The following TMOD1 variants were observed in gnomAD, a reference collection of about 807,000 sequenced individuals.
The protein encoded by TMOD1 is tropomodulin 1.
A neutral mutation model predicts 40.6 loss-of-function variants in TMOD1; 17 were observed. The observed-to-expected ratio is 0.42, with a 90% CI of 0.29 to 0.63. The LOEUF (loss-of-function observed/expected upper bound fraction) is 0.63. Ranked by LOEUF, TMOD1 falls within the 20% of genes least tolerant of loss-of-function variation. TMOD1 has a pLI of 0.22. For missense variants in TMOD1, 391 were observed against 447.6 expected, an observed-to-expected ratio of 0.87 and a Z score of 1.14; for synonymous variants, 181 against 175.0, an observed-to-expected ratio of 1.03 and a Z score of -0.27.
chr9:97,574,388 T>C (rs1028646933), intron 8 of TMOD1, among the ~76,000 whole-genome samples: 11 of 152,150 alleles, frequency 7.2e-5, no homozygotes, highest in Admixed American at 2.6e-4. Context: ...GCTCGACTTC[T>C]CGCCGGGCCT....
chr9:97,568,019 C>T (rs1012960538), intron 7 of TMOD1, among the ~76,000 whole-genome samples: 7 of 152,116 alleles, frequency 4.6e-5, no homozygotes, highest in African/African-American at 1.2e-4. Flanking sequence ...ATCTACACCC[C>T]CTGGCTGAGT....
intron 1 of TMOD1, among the ~76,000 whole-genome samples, chr9:97,510,774 T>G (rs1829683742): frequency 6.6e-6 from 1 of 152,188 alleles, no homozygotes; most frequent in African/African-American, 2.4e-5. Flanking sequence ...ATGGCCTCTC[T>G]TGTTTGTACT....
chr9:97,555,849 A>G, intron 4 of TMOD1: 1 of 730,382 alleles, frequency 1.4e-6, no homozygotes, highest in Non-Finnish European at 2.4e-6. Context: ...GTTTAAACCC[A>G]GGCAACTTCA....
intron 1 of TMOD1, among the ~76,000 whole-genome samples, chr9:97,514,123 A>T (rs1215265239): frequency 6.6e-6 from 1 of 151,652 alleles, no homozygotes; most frequent in Non-Finnish European, 1.5e-5. Context: ...GCACAGCAGC[A>T]CGATCTTGGC....
At chr9:97,503,299 C>G (rs1829535381) in intron 1 of TMOD1, among the ~76,000 whole-genome samples, 1 of 152,214 alleles carries the variant, frequency 6.6e-6, no homozygotes, top group African/African-American at 2.4e-5. Flanking sequence ...ATCAATGCCC[C>G]CTCTTCTTGA....
intron 8 of TMOD1, among the ~76,000 whole-genome samples, chr9:97,589,979 T>G (rs970881430): frequency 1.3e-5 from 2 of 151,838 alleles, no homozygotes; most frequent in South Asian, 4.2e-4. Context: ...TACTTAAAAG[T>G]TTTTTTTCTG....
At chr9:97,563,935 C>A in intron 5 of TMOD1, 103 bp from the exon 6 acceptor site, 5 of 1,415,042 alleles carry the variant, frequency 3.5e-6, no homozygotes, top group East Asian at 5.0e-5. Flanking sequence ...GCAGCCCTCA[C>A]GTGCCCCAAC....
At chr9:97,541,119 T>G (rs1010088778) in intron 2 of TMOD1, among the ~76,000 whole-genome samples, 1 of 152,084 alleles carries the variant, frequency 6.6e-6, no homozygotes, top group Non-Finnish European at 1.5e-5. Flanking sequence ...TTCATGAGCT[T>G]TTTGGCCATT....
At position 97,513,703 on chromosome 9, in the gene TMOD1, AG is replaced by A. The variant is rs1463340786; in HGVS notation, c.-48-10436del. On this transcript the variant is annotated intron_variant, in intron 1 of 9. Coordinates refer to ENST00000259365, the MANE Select transcript of TMOD1 (RefSeq NM_003275.4). The surrounding 1 kb of genome is among the most constrained non-coding windows in gnomAD (Gnocchi z 4.1). ...CCAGTAAATACTCACCCAGTGAATT[AG>A]GTTGTAGAAACTGAGATCCAGAGAA... is the stretch of plus-strand genomic sequence containing the variant. 1 of 152,228 alleles carries A rather than the reference AG, an allele frequency of 6.6e-6. No homozygotes were observed. Among genetic ancestry groups the A allele is most frequent in the Non-Finnish European group, 1.5e-5 (1 of 68,046 alleles). The allele number at this position is 152,228 out of a possible 1,614,324, so 9.4% of individuals were successfully genotyped here.
At chr9:97,555,796 T>A in intron 4 of TMOD1, 2 of 1,115,326 alleles carry the variant, frequency 1.8e-6, no homozygotes, top group Non-Finnish European at 2.7e-6. Flanking sequence ...ATTTTATGGA[T>A]GGAGAAAGTA....
intron 1 of TMOD1, among the ~76,000 whole-genome samples, chr9:97,511,670 T>C (rs1202796546): frequency 6.6e-6 from 1 of 152,170 alleles, no homozygotes; most frequent in Non-Finnish European, 1.5e-5. Context: ...CTGCAGCTTC[T>C]TCCTCCTGGG....
At chr9:97,524,806 G>A (rs897653562) in intron 2 of TMOD1, among the ~76,000 whole-genome samples, 2 of 152,040 alleles carry the variant, frequency 1.3e-5, no homozygotes, top group African/African-American at 4.8e-5. Context: ...TTACTTGGAG[G>A]AGGGTCAGCT....
At chr9:97,596,967 T>C (rs1162021313) in intron 9 of TMOD1, among the ~76,000 whole-genome samples, 2 of 152,276 alleles carry the variant, frequency 1.3e-5, no homozygotes, top group East Asian at 1.9e-4. Context: ...GTTCCTGTTA[T>C]ACTGTGTCTT....
At chr9:97,578,122 C>A (rs1825653230) in intron 8 of TMOD1, among the ~76,000 whole-genome samples, 1 of 152,144 alleles carries the variant, frequency 6.6e-6, no homozygotes, top group Non-Finnish European at 1.5e-5. Flanking sequence ...GTGGCATGAT[C>A]TCAGCTCACT....
At chr9:97,595,259 T>C (rs1826084482) in intron 9 of TMOD1, among the ~76,000 whole-genome samples, 1 of 152,208 alleles carries the variant, frequency 6.6e-6, no homozygotes, top group African/African-American at 2.4e-5. Context: ...AATTTTGAAA[T>C]GTATAATACA....
At chr9:97,591,483 T>G (rs1345500817) in intron 9 of TMOD1, 48 bp downstream of exon 9, 2 of 1,591,310 alleles carry the variant, frequency 1.3e-6, no homozygotes, top group Admixed American at 1.8e-5. Context: ...TGTTATTCCC[T>G]CCACCTGTGC....
intron 8 of TMOD1, among the ~76,000 whole-genome samples, chr9:97,579,559 T>C (rs1414028403): frequency 6.6e-6 from 1 of 152,134 alleles, no homozygotes; most frequent in African/African-American, 2.4e-5. Context: ...GTGCTGGGAT[T>C]ATAGGTGTGA....
At chr9:97,533,744 C>T (rs903952631) in intron 2 of TMOD1, among the ~76,000 whole-genome samples, 92 of 152,234 alleles carry the variant, frequency 6.0e-4, no homozygotes, top group African/African-American at 2.2e-3. Flanking sequence ...AGCACCAGTG[C>T]CCCGTCTGTG....
intron 2 of TMOD1, among the ~76,000 whole-genome samples, chr9:97,543,426 T>A (rs923640479): frequency 2.0e-5 from 3 of 152,244 alleles, no homozygotes; most frequent in African/African-American, 7.2e-5. Flanking sequence ...ATAGAAGGGA[T>A]CATAAGTAAT....
Sources: allele counts gnomAD v4.1 joint callset (sites outside exome capture counted in the v4.1 genomes callset), GRCh38; gene constraint gnomAD v4.1.1; non-coding constraint Gnocchi (gnomAD v3.1); transcripts MANE v1.5; gene names NCBI Gene and HGNC (gene_info 2026-07-23, HGNC 2026-07-21).